VCF1: variants seen among roughly 807,000 people sequenced by gnomAD.
VCF1 encodes the protein protein VCF1.
chr17:73,208,345 A>G, the VCF1 span: 4 of 1,614,060 alleles, frequency 2.5e-6, no homozygotes, highest in Admixed American at 1.7e-5. Flanking sequence ...ACAGCTGGTG[A>G]CCCGACAGTT....
At chr17:73,208,201 T>C in the VCF1 span, 44 of 1,587,492 alleles carry the variant, frequency 2.8e-5, no homozygotes, top group East Asian at 8.4e-4. Context: ...CCATCGTGCT[T>C]CTCAGCTCCG....
the VCF1 span, chr17:73,209,234 A>T: frequency 2.1e-6 from 1 of 480,508 alleles, no homozygotes; most frequent in Non-Finnish European, 3.7e-6. Context: ...TGAATGGGAC[A>T]TACTATGGAT....
At chr17:73,221,929 G>A in the VCF1 span, among the ~76,000 whole-genome samples, 1 of 151,296 alleles carries the variant, frequency 6.6e-6, no homozygotes, top group African/African-American at 2.4e-5. Flanking sequence ...AGCTACTCGG[G>A]AGGCTGAGGC....
chr17:73,224,006 A>C, the VCF1 span, among the ~76,000 whole-genome samples: 1 of 149,102 alleles, frequency 6.7e-6, no homozygotes, highest in Non-Finnish European at 1.5e-5. Flanking sequence ...GGGAGGAAGG[A>C]AAGGAGGGAG....
the VCF1 span, among the ~76,000 whole-genome samples, chr17:73,219,707 T>C: frequency 6.6e-6 from 1 of 151,688 alleles, no homozygotes; most frequent in Non-Finnish European, 1.5e-5. Context: ...GCATGGTGGC[T>C]CATGCCTATA....
chr17:73,223,730 A>G, the VCF1 span, among the ~76,000 whole-genome samples: 5 of 152,284 alleles, frequency 3.3e-5, no homozygotes, highest in South Asian at 4.1e-4. Context: ...AAAATAAGAA[A>G]AAGAATTTGG....
At chr17:73,225,868 AT>A in the VCF1 span, among the ~76,000 whole-genome samples, 1,204 of 84,934 alleles carry the variant, frequency 0.014, 18 homozygotes, top group African/African-American at 0.051. Context: ...TAGGAAAAAA[AT>A]ATATATATAT....
At chr17:73,223,417 C>T in the VCF1 span, among the ~76,000 whole-genome samples, 3 of 152,104 alleles carry the variant, frequency 2.0e-5, no homozygotes, top group African/African-American at 2.4e-5. Flanking sequence ...ATAACTAATC[C>T]GGCAAATCAG....
chr17:73,208,155 C>T, the VCF1 span: 6 of 1,521,780 alleles, frequency 3.9e-6, no homozygotes, highest in Non-Finnish European at 4.4e-6. Context: ...GTGTCCTCTT[C>T]AAATCTGGAC....
the VCF1 span, chr17:73,207,764 ATG>A: frequency 7.8e-7 from 1 of 1,289,824 alleles, no homozygotes; most frequent in Non-Finnish European, 1.0e-6. Flanking sequence ...TGCTGTGTGC[ATG>A]TGTGTTTGAA....
At chr17:73,210,955 T>C in the VCF1 span, among the ~76,000 whole-genome samples, 88,081 of 151,946 alleles carry the variant, frequency 0.58, 25,702 homozygotes, top group Non-Finnish European at 0.62. Flanking sequence ...ACAACCCTGA[T>C]AACTGAATTG....
the VCF1 span, chr17:73,209,671 G>A: frequency 1.3e-6 from 2 of 1,551,420 alleles, no homozygotes; most frequent in South Asian, 2.4e-5. Context: ...TCCGGCCATG[G>A]TCTGGCTCAA....
the VCF1 span, among the ~76,000 whole-genome samples, chr17:73,224,263 C>CAAAAAAA: frequency 8.7e-5 from 9 of 103,864 alleles, 1 homozygote; most frequent in African/African-American, 1.5e-4. Flanking sequence ...GTCGTCTCTC[C>CAAAAAAA]AAAAAAAAAA....
the VCF1 span, among the ~76,000 whole-genome samples, chr17:73,219,782 G>C: frequency 6.6e-6 from 1 of 152,078 alleles, no homozygotes; most frequent in Non-Finnish European, 1.5e-5. Flanking sequence ...AGATCAGCCT[G>C]GGCAACATGG....
chr17:73,209,534 T>C, the VCF1 span: 1 of 1,581,720 alleles, frequency 6.3e-7, no homozygotes, highest in African/African-American at 1.3e-5. Flanking sequence ...GCACATCATG[T>C]CAGAGGCCGC....
At chr17:73,228,344 C>T in the VCF1 span, among the ~76,000 whole-genome samples, 20 of 152,216 alleles carry the variant, frequency 1.3e-4, no homozygotes, top group Non-Finnish European at 2.6e-4. Flanking sequence ...GATATAGTGT[C>T]TTCTAAATAA....
At chr17:73,225,535 GA>G in the VCF1 span, among the ~76,000 whole-genome samples, 1 of 151,220 alleles carries the variant, frequency 6.6e-6, no homozygotes, top group African/African-American at 2.4e-5. Context: ...GCAGATACGG[GA>G]AAAAAACGTT....
chr17:73,210,286 T>C, the VCF1 span, among the ~76,000 whole-genome samples: 56 of 152,300 alleles, frequency 3.7e-4, no homozygotes, highest in African/African-American at 1.3e-3. Flanking sequence ...ATTCTGTAAC[T>C]GCAGGACACA....
chr17:73,224,960 G>GACAGGACAGCACAGCACAGC, the VCF1 span, among the ~76,000 whole-genome samples: 2 of 47,268 alleles, frequency 4.2e-5, no homozygotes, highest in Non-Finnish European at 9.8e-5. Context: ...CACAGGACAG[G>GACAGGACAGCACAGCACAGC]ACAGCACAGC....
Sources: gnomAD v4.1 joint callset for allele counts (sites outside exome capture counted in the v4.1 genomes callset) on GRCh38, gnomAD v4.1.1 for gene constraint, MANE v1.5 for transcripts, NCBI Gene and HGNC (gene_info 2026-07-23, HGNC 2026-07-21) for gene names.